Variants in IGSF11 observed in about 807,000 individuals in gnomAD.
IGSF11 encodes the protein CXADR like 1.
In IGSF11, 22 loss-of-function variants were observed where a neutral mutation model predicts 41.0. The observed-to-expected ratio is 0.54, with a 90% confidence interval of 0.38 to 0.77. The LOEUF is 0.77. Among genes scored for constraint, IGSF11 ranks in the 30% least tolerant of loss-of-function variants. IGSF11 has a pLI of 0.00. For synonymous variants in IGSF11, 219 were observed against 201.3 expected, an observed-to-expected ratio of 1.09 and a Z score of -0.74; for missense variants, 444 against 530.8, an observed-to-expected ratio of 0.84 and a Z score of 1.61.
chr3:119,046,337 C>A (rs1266483851), intron 1 of IGSF11, among the ~76,000 whole-genome samples: 1 of 151,678 alleles, frequency 6.6e-6, no homozygotes, highest in African/African-American at 2.4e-5. Flanking sequence ...TCGAGAACTA[C>A]GTGAAGAATG....
intron 1 of IGSF11, among the ~76,000 whole-genome samples, chr3:118,970,763 A>C (rs982065009): frequency 6.6e-6 from 1 of 152,096 alleles, no homozygotes; most frequent in Non-Finnish European, 1.5e-5. Flanking sequence ...AAAAAAAAAA[A>C]AAACCACAAC....
intron 1 of IGSF11, among the ~76,000 whole-genome samples, chr3:119,069,432 T>C (rs1001795854): frequency 1.3e-5 from 2 of 152,164 alleles, no homozygotes; most frequent in African/African-American, 4.8e-5. Flanking sequence ...GTGAAGGAAA[T>C]ACTACATGAC....
At chr3:118,985,218 A>G (rs770256426) in intron 1 of IGSF11, among the ~76,000 whole-genome samples, 2 of 152,200 alleles carry the variant, frequency 1.3e-5, no homozygotes, top group Non-Finnish European at 2.9e-5. Context: ...TTTCAAAGCT[A>G]TATCTCAAAT....
At chr3:118,917,532 A>T (rs1195399019) in intron 4 of IGSF11, among the ~76,000 whole-genome samples, 1 of 132,754 alleles carries the variant, frequency 7.5e-6, no homozygotes, top group Non-Finnish European at 1.6e-5. Flanking sequence ...TCCTCGACAC[A>T]TACACTCTCC....
chr3:118,983,984 G>C (rs1935000587), intron 1 of IGSF11, among the ~76,000 whole-genome samples: 1 of 151,972 alleles, frequency 6.6e-6, no homozygotes, highest in Non-Finnish European at 1.5e-5. Context: ...ATGGTAGGGG[G>C]AAGTCCACTC....
At chr3:119,061,551 A>G (rs1028345735) in intron 1 of IGSF11, among the ~76,000 whole-genome samples, 3 of 152,176 alleles carry the variant, frequency 2.0e-5, no homozygotes, top group African/African-American at 7.2e-5. Context: ...AGTTCCTGGC[A>G]TGATCAATGA....
chr3:119,091,741 T>C (rs528976434), intron 1 of IGSF11, among the ~76,000 whole-genome samples: 15 of 152,206 alleles, frequency 9.9e-5, no homozygotes, highest in African/African-American at 3.6e-4. Context: ...AAACCTCCTA[T>C]CAGATACTGT....
chr3:118,947,440 G>A (rs1318907878), intron 1 of IGSF11: 9 of 152,180 alleles, frequency 5.9e-5, no homozygotes, highest in Admixed American at 5.9e-4. Flanking sequence ...CTGACAACAA[G>A]AAATGATTTT....
intron 1 of IGSF11, among the ~76,000 whole-genome samples, 177 bp from the exon 2 acceptor site, chr3:118,930,452 T>C (rs1017981810): frequency 1.3e-5 from 2 of 152,224 alleles, no homozygotes; most frequent in Non-Finnish European, 2.9e-5. Context: ...AAATGGTTCA[T>C]CCCTTTACCT....
At chr3:119,111,373 T>C (rs184411027) in intron 1 of IGSF11, among the ~76,000 whole-genome samples, 35,471 of 152,178 alleles carry the variant, frequency 0.23, 5,037 homozygotes, top group Middle Eastern at 0.38. Context: ...TTTCTTCCAG[T>C]TGATCGCATC....
At chr3:118,961,776 G>T (rs1450158856) in intron 1 of IGSF11, among the ~76,000 whole-genome samples, 1 of 152,122 alleles carries the variant, frequency 6.6e-6, no homozygotes, top group Non-Finnish European at 1.5e-5. Flanking sequence ...GCTTCTTGTT[G>T]TCACTATGAA....
chr3:119,133,340 AAG>A (rs2077511121), intron 1 of IGSF11, among the ~76,000 whole-genome samples: 1 of 152,190 alleles, frequency 6.6e-6, no homozygotes, highest in South Asian at 2.1e-4. Flanking sequence ...TAAAGAAGAA[AAG>A]AGAGAAGAAT....
chr3:118,934,966 T>C (rs1344949682), intron 1 of IGSF11, among the ~76,000 whole-genome samples: 1 of 152,082 alleles, frequency 6.6e-6, no homozygotes, highest in Non-Finnish European at 1.5e-5. Flanking sequence ...CCCCAGCTTC[T>C]TTACTTAGTA....
chr3:118,961,789 A>C (rs1173476499), intron 1 of IGSF11, among the ~76,000 whole-genome samples: 2 of 152,256 alleles, frequency 1.3e-5, no homozygotes, highest in Non-Finnish European at 1.5e-5. Context: ...ACTATGAAAT[A>C]GCAATTTTAA....
At chr3:118,940,344 A>C (rs1218771196) in intron 1 of IGSF11, among the ~76,000 whole-genome samples, 1 of 152,212 alleles carries the variant, frequency 6.6e-6, no homozygotes, top group Admixed American at 6.5e-5. Flanking sequence ...TTCAGAAATC[A>C]AGGCTAATAT....
rs1158989502 is a variant in IGSF11 at position 119,049,304 on chromosome 3, AG to A, written c.49+55839del. Reference sequence around the variant, plus strand: ...TCATAAGCAACTTCAGCAAAGTCTCAGGATACAAAATCAATGTGCAAAAATC... The same window carrying A: ...TCATAAGCAACTTCAGCAAAGTCTCAGATACAAAATCAATGTGCAAAAATC... On this transcript the variant is annotated intron_variant, in intron 1 of 6. Transcript: ENST00000354673. 5.3e-5 allele frequency among the ~76,000 whole-genome samples: 8 copies of A among 151,734 alleles called. No individual in the cohort carries two copies. The South Asian group carries it at 6.2e-4, about 12-fold the overall frequency.
At chr3:119,013,276 G>C (rs1938340586) in intron 1 of IGSF11, 1 of 152,182 alleles carries the variant, frequency 6.6e-6, no homozygotes, top group Non-Finnish European at 1.5e-5. Flanking sequence ...ACTCAGACTG[G>C]TTTCTGCAAT....
At chr3:119,039,322 A>G (rs539718409), upstream of IGSF11, among the ~76,000 whole-genome samples, 17 of 149,692 alleles carry the variant, frequency 1.1e-4, no homozygotes, top group East Asian at 3.5e-3. Flanking sequence ...TACCTTTTTC[A>G]GATTCTAGAG....
chr3:118,916,924 A>T (rs1196787763), intron 4 of IGSF11, among the ~76,000 whole-genome samples: 2 of 152,150 alleles, frequency 1.3e-5, no homozygotes, highest in Non-Finnish European at 1.5e-5. Context: ...ACCACAGTGC[A>T]ATCAAACTAG....
Sources: gnomAD v4.1 joint callset for allele counts (sites outside exome capture counted in the v4.1 genomes callset) on GRCh38, gnomAD v4.1.1 for gene constraint, MANE v1.5 for transcripts, NCBI Gene and HGNC (gene_info 2026-07-23, HGNC 2026-07-21) for gene names.